Variants in ENTREP2 observed in about 807,000 individuals in gnomAD.
The protein encoded by ENTREP2 is endosomal transmembrane epsin interactor 2.
chr15:29,443,693 CAA>C, the ENTREP2 span, among the ~76,000 whole-genome samples: 1 of 151,942 alleles, frequency 6.6e-6, no homozygotes, highest in Non-Finnish European at 1.5e-5. Flanking sequence ...GGCTTTTCTC[CAA>C]AGAGGGGTCT....
the ENTREP2 span, among the ~76,000 whole-genome samples, chr15:29,370,930 A>C: frequency 6.6e-6 from 1 of 152,186 alleles, no homozygotes; most frequent in African/African-American, 2.4e-5. Context: ...TTTAAAAAAA[A>C]AACTATCCCA....
At chr15:29,642,544 C>T in the ENTREP2 span, among the ~76,000 whole-genome samples, 1 of 147,406 alleles carries the variant, frequency 6.8e-6, no homozygotes, top group Admixed American at 6.8e-5. Flanking sequence ...ATCATATGTA[C>T]ATATATACAC....
At chr15:29,622,282 T>C in the ENTREP2 span, among the ~76,000 whole-genome samples, 1 of 152,182 alleles carries the variant, frequency 6.6e-6, no homozygotes, top group Non-Finnish European at 1.5e-5. Context: ...CTCGGCTTAC[T>C]GCAACCTCTG....
chr15:29,673,550 C>T, the ENTREP2 span, among the ~76,000 whole-genome samples: 3 of 152,220 alleles, frequency 2.0e-5, no homozygotes, highest in African/African-American at 4.8e-5. Flanking sequence ...ATCTCAAGCA[C>T]TGATCTTAGG....
chr15:29,625,867 A>C, the ENTREP2 span, among the ~76,000 whole-genome samples: 2 of 149,460 alleles, frequency 1.3e-5, no homozygotes, highest in East Asian at 4.0e-4. Context: ...TTTCTTTTTT[A>C]TTTTATTTTT....
At chr15:29,556,915 G>A in the ENTREP2 span, among the ~76,000 whole-genome samples, 1 of 152,138 alleles carries the variant, frequency 6.6e-6, no homozygotes, top group Non-Finnish European at 1.5e-5. Context: ...GCCCCAGAGC[G>A]CTCCATCCCA....
chr15:29,272,979 T>G, the ENTREP2 span, among the ~76,000 whole-genome samples: 1 of 152,046 alleles, frequency 6.6e-6, no homozygotes, highest in Non-Finnish European at 1.5e-5. Context: ...CAGCATCAGG[T>G]GGTTGGTTTA....
At chr15:29,558,901 G>T in the ENTREP2 span, among the ~76,000 whole-genome samples, 1 of 151,046 alleles carries the variant, frequency 6.6e-6, no homozygotes, top group Non-Finnish European at 1.5e-5. Context: ...TTACTTTATG[G>T]TAAGAATACA....
chr15:29,417,218 C>G, the ENTREP2 span, among the ~76,000 whole-genome samples: 1 of 152,176 alleles, frequency 6.6e-6, no homozygotes, highest in East Asian at 1.9e-4. Flanking sequence ...CAGCACTATT[C>G]ACAATAGTAA....
chr15:29,628,743 T>C, the ENTREP2 span, among the ~76,000 whole-genome samples: 914 of 152,260 alleles, frequency 6.0e-3, 9 homozygotes, highest in African/African-American at 0.021. Flanking sequence ...TGTTTTTGGA[T>C]GGTTGCATCT....
At chr15:29,643,575 G>T in the ENTREP2 span, among the ~76,000 whole-genome samples, 2 of 152,114 alleles carry the variant, frequency 1.3e-5, no homozygotes, top group Non-Finnish European at 2.9e-5. Context: ...GAGGTCAGGA[G>T]ATTGAGACCA....
the ENTREP2 span, among the ~76,000 whole-genome samples, chr15:29,203,988 C>G: frequency 6.6e-6 from 1 of 152,166 alleles, no homozygotes; most frequent in Non-Finnish European, 1.5e-5. Context: ...AATAAAATAA[C>G]CCTTCAATGA....
the ENTREP2 span, among the ~76,000 whole-genome samples, chr15:29,378,476 TGAG>T: frequency 6.6e-6 from 1 of 152,160 alleles, no homozygotes; most frequent in African/African-American, 2.4e-5. Context: ...TTTTTGTAGA[TGAG>T]ATTAAGTTTT....
At chr15:29,428,992 C>T in the ENTREP2 span, among the ~76,000 whole-genome samples, 1 of 152,210 alleles carries the variant, frequency 6.6e-6, no homozygotes, top group Non-Finnish European at 1.5e-5. Context: ...AACTGACATA[C>T]CCAGATCTAT....
At chr15:29,184,698 C>T in the ENTREP2 span, among the ~76,000 whole-genome samples, 5 of 152,112 alleles carry the variant, frequency 3.3e-5, no homozygotes, top group Admixed American at 1.3e-4. Flanking sequence ...GCCTATGCAG[C>T]GAAACCAGCC....
the ENTREP2 span, among the ~76,000 whole-genome samples, chr15:29,354,957 C>T: frequency 5.9e-5 from 9 of 152,304 alleles, no homozygotes; most frequent in South Asian, 1.9e-3. Flanking sequence ...CTTGATGAGG[C>T]TTCCCTGTTT....
At chr15:29,610,900 C>T in the ENTREP2 span, 2 of 135,896 alleles carry the variant, frequency 1.5e-5, no homozygotes, top group African/African-American at 5.2e-5. Context: ...CCCTTCACCT[C>T]TATATTTCTT....
At chr15:29,123,766 C>G in the ENTREP2 span, 1 of 1,118,602 alleles carries the variant, frequency 8.9e-7, no homozygotes, top group Non-Finnish European at 1.2e-6. Flanking sequence ...TTCTGTGTTC[C>G]TGGGGCTGGC....
At chr15:29,136,656 G>A in the ENTREP2 span, among the ~76,000 whole-genome samples, 40 of 149,876 alleles carry the variant, frequency 2.7e-4, no homozygotes, top group Admixed American at 1.5e-3. Flanking sequence ...TGGGCGATTT[G>A]CACTTTTGTT....
Sources: allele counts gnomAD v4.1 joint callset (sites outside exome capture counted in the v4.1 genomes callset), GRCh38; gene constraint gnomAD v4.1.1; transcripts MANE v1.5; gene names NCBI Gene and HGNC (gene_info 2026-07-23, HGNC 2026-07-21).